The following DNAL1 variants were observed in gnomAD, a reference collection of about 807,000 sequenced individuals.
DNAL1 encodes dynein axonemal light chain 1.
In DNAL1, 17 loss-of-function variants were observed where a neutral mutation model predicts 29.4. The ratio of observed to expected loss-of-function variants is 0.58; its 90% CI spans 0.40 to 0.87. The LOEUF (loss-of-function observed/expected upper bound fraction) is 0.87. Ranked by LOEUF, DNAL1 falls within the 40% of genes least tolerant of loss-of-function variation. The probability of loss-of-function intolerance (pLI) is 0.00; values close to 1 mark genes in which losing one functional copy is unlikely to be tolerated. For synonymous variants in DNAL1, 78 were observed against 76.3 expected (o/e 1.02, Z -0.12); for missense variants, 188 against 214.1 (o/e 0.88, Z 0.76).
intron 4 of DNAL1, among the ~76,000 whole-genome samples, 160 bp downstream of exon 4, chr14:73,662,202 G>A (rs1014861996): frequency 1.2e-4 from 19 of 152,010 alleles, no homozygotes; most frequent in African/African-American, 4.1e-4. Context: ...ATTATCCAAA[G>A]AAAAATAGAG....
intron 5 of DNAL1, among the ~76,000 whole-genome samples, chr14:73,674,998 T>C (rs952544553): frequency 6.6e-6 from 1 of 151,770 alleles, no homozygotes; most frequent in Non-Finnish European, 1.5e-5. Flanking sequence ...TTTTTGTATT[T>C]TTAGTAGGGG....
At chr14:73,655,012 G>C in intron 2 of DNAL1, 127 bp downstream of exon 2, 1 of 921,712 alleles carries the variant, frequency 1.1e-6, no homozygotes, top group Admixed American at 2.8e-5. Flanking sequence ...TCTTGTCTAT[G>C]GTGGTGGATG....
At chr14:73,686,724 C>T (rs1390377387) in intron 5 of DNAL1, among the ~76,000 whole-genome samples, 2 of 152,074 alleles carry the variant, frequency 1.3e-5, no homozygotes, top group African/African-American at 4.8e-5. Context: ...AAACAAAAAA[C>T]AACTTTTTTA....
intron 2 of DNAL1, among the ~76,000 whole-genome samples, chr14:73,655,384 G>A (rs1452277257): frequency 2.8e-5 from 4 of 140,516 alleles, no homozygotes; most frequent in African/African-American, 1.1e-4. Flanking sequence ...CGCTCTTGTC[G>A]CCCAGGCTGG....
rs80019139 is a variant in DNAL1, at chr14:73,657,971, C to A, written c.43-876C>A. Among the ~76,000 whole-genome samples the A allele has an allele frequency of 8.0e-3, 1,226 of 152,314 alleles. 23 individuals carry two copies. The highest frequency in any genetic ancestry group is 0.028 in the African/African-American group (1,162 of 41,570). On this transcript the variant is annotated intron_variant, in intron 2 of 7. Coordinates refer to ENST00000553645, the MANE Select transcript of DNAL1 (RefSeq NM_031427.4). ...GCTTTTGAGGTCTTAGCCGTAAAAT[C>A]TTCTCCTAGACCAATGTCCTGAAGT...
intron 5 of DNAL1, among the ~76,000 whole-genome samples, chr14:73,675,818 C>T (rs1371202839): frequency 1.3e-5 from 2 of 151,646 alleles, no homozygotes; most frequent in African/African-American, 4.8e-5. Context: ...AGTTCGAGAC[C>T]AGCCTGACCA....
chr14:73,675,768 A>G (rs1161589537), intron 5 of DNAL1, among the ~76,000 whole-genome samples: 1 of 152,278 alleles, frequency 6.6e-6, no homozygotes, highest in Admixed American at 6.5e-5. Context: ...CTGTAATCCC[A>G]GCACTTTGGG....
intron 5 of DNAL1, among the ~76,000 whole-genome samples, chr14:73,677,446 C>T (rs1192188944): frequency 1.3e-5 from 2 of 151,854 alleles, no homozygotes; most frequent in Non-Finnish European, 2.9e-5. Context: ...GCTGGGACTA[C>T]AGGCCACTGT....
intron 7 of DNAL1, among the ~76,000 whole-genome samples, chr14:73,691,856 C>CG (rs1268982270): frequency 8.7e-4 from 129 of 147,574 alleles, no homozygotes; most frequent in East Asian, 6.0e-3. Context: ...ACCCCCCCCC[C>CG]CCAGCTAATT....
rs572913041 is a variant in DNAL1 at position 73,645,051 on chromosome 14, C to T, written c.3+9C>T. ...TAGCAACCGCCGGAATGGTGAGTAC[C>T]TTTCGGGCCGCGTAGCCAAAGCTGA... On this transcript the variant is annotated intron_variant, in intron 1 of 7. Transcript: ENST00000553645. The T allele has an allele frequency of 1.9e-6, 3 of 1,608,572 alleles. No homozygotes were observed. Among genetic ancestry groups the T allele is most frequent in the Admixed American group, 1.7e-5 (1 of 59,208 alleles).
intron 2 of DNAL1, among the ~76,000 whole-genome samples, chr14:73,658,403 A>G (rs1891263394): frequency 6.6e-6 from 1 of 152,104 alleles, no homozygotes; most frequent in Admixed American, 6.6e-5. Flanking sequence ...TTTTGGTTCC[A>G]TATGAATTTT....
Position 73,662,026 on chromosome 14 carries a change from C to G in DNAL1, c.192C>G (p.Ala64=), listed in dbSNP as rs1207952441. The part of the protein sequence containing the change: ...SLSTNCIEKI[A]NLNGLKNLRI... The stretch of plus-strand genomic sequence containing the variant: ...CTACAAACTGCATTGAAAAAATTGC[C>G]AACCTGAATGGCTTAAGTAAGTGAT... Residue 64 remains alanine (A), a synonymous_variant, in exon 4 of 8, where the codon GCC becomes GCG. Coordinates refer to ENST00000553645, the MANE Select transcript of DNAL1 (RefSeq NM_031427.4). 1.9e-6 allele frequency: 3 copies of G among 1,561,162 alleles called. No homozygotes were observed. The African/African-American group carries it at 4.1e-5, about 21-fold the overall frequency.
chr14:73,652,676 C>T lies in DNAL1; in HGVS notation c.4-2171C>T, dbSNP rs75177548. 7.9e-3 allele frequency among the ~76,000 whole-genome samples: 1,210 copies of T among 152,214 alleles called. 23 individuals are homozygous for T. The highest frequency in any genetic ancestry group is 0.028 in the African/African-American group (1,146 of 41,528). Reference sequence around the variant, plus strand: ...AGTTTTGTTAATTATTTTATCCCCTCGTTCTGTTTTTCATTGACTTTTTCC... The same window carrying T: ...AGTTTTGTTAATTATTTTATCCCCTTGTTCTGTTTTTCATTGACTTTTTCC... On this transcript the variant is annotated intron_variant, in intron 1 of 7. Coordinates refer to ENST00000553645, the MANE Select transcript of DNAL1 (RefSeq NM_031427.4).
In DNAL1 at chr14:73,692,648, A is replaced by T. The variant is rs1057372807; in HGVS notation, c.532+3133A>T. On this transcript the variant is annotated intron_variant, in intron 7 of 7. Coordinates refer to ENST00000553645, the MANE Select transcript of DNAL1 (RefSeq NM_031427.4). ...AAGAATAAAATAGAACCACCAATGTAGAACTTGAATAGACAAAGCTACATT... is the reference window on the plus strand; with the variant it reads ...AAGAATAAAATAGAACCACCAATGTTGAACTTGAATAGACAAAGCTACATT... Among the ~76,000 whole-genome samples the T allele has an allele frequency of 3.3e-5, 5 of 151,958 alleles. 1 individual carries two copies. Among genetic ancestry groups the T allele is most frequent in the Admixed American group, 3.3e-4 (5 of 15,256 alleles).
chr14:73,678,598 G>A (rs1335445496), intron 5 of DNAL1, among the ~76,000 whole-genome samples: 1 of 144,752 alleles, frequency 6.9e-6, no homozygotes, highest in Non-Finnish European at 1.5e-5. Flanking sequence ...CTTAAACACT[G>A]TTGCTGAGAC....
At chr14:73,665,208 A>G (rs1891449723) in intron 4 of DNAL1, among the ~76,000 whole-genome samples, 1 of 151,916 alleles carries the variant, frequency 6.6e-6, no homozygotes, top group Admixed American at 6.6e-5. Flanking sequence ...CACCCCTCAT[A>G]CCTTACTCAA....
In DNAL1 at chr14:73,675,477, A is replaced by T. The variant is rs987821400; in HGVS notation, c.264+3880A>T. Among the ~76,000 whole-genome samples, 18 of 150,856 alleles carry T rather than the reference A, an allele frequency of 1.2e-4. No homozygotes were observed. In the South Asian group the frequency reaches 1.7e-3, roughly 14 times the overall value. ...ACCTTGCCCAGCTAATTAAAAAAAA[A>T]ATTTTTTTTTTGTAGTGATGGAGTC... On this transcript the variant is annotated intron_variant, in intron 5 of 7. Transcript: ENST00000553645.
intron 5 of DNAL1, among the ~76,000 whole-genome samples, chr14:73,677,938 CCAGG>C (rs1891786725): frequency 1.4e-5 from 2 of 139,800 alleles, no homozygotes; most frequent in African/African-American, 5.5e-5. Context: ...ACTTTGTCAC[CCAGG>C]CTGGAGTGCA....
Position 73,658,934 on chromosome 14 carries a change from T to C in DNAL1, c.130T>C (p.Leu44=). Residue 44 remains leucine (L), a synonymous_variant, in exon 3 of 8, where the codon TTG becomes CTG. Coordinates refer to ENST00000553645, the MANE Select transcript of DNAL1 (RefSeq NM_031427.4). ...CCCTATAGAGAAGATGGATGCATCC[T>C]TGTCCATGCTTGCTAATTGCGAGTA... ...IPPIEKMDAS[L]SMLANCEKLS... 1 of 1,530,726 alleles carries C rather than the reference T, an allele frequency of 6.5e-7. No homozygotes were observed. Among genetic ancestry groups the C allele is most frequent in the Non-Finnish European group, 8.8e-7 (1 of 1,137,950 alleles). 94.8% of individuals were successfully genotyped at this position (1,530,726 alleles called of 1,614,324 possible).
Sources: gnomAD v4.1 joint callset for allele counts (sites outside exome capture counted in the v4.1 genomes callset) on GRCh38, gnomAD v4.1.1 for gene constraint, MANE v1.5 for transcripts, NCBI Gene and HGNC (gene_info 2026-07-23, HGNC 2026-07-21) for gene names.